Variants in NDUFA9 observed in about 807,000 individuals in gnomAD.
NDUFA9 encodes the protein NADH:ubiquinone oxidoreductase subunit A9, also known as NADH dehydrogenase [ubiquinone] 1 alpha subcomplex subunit 9, mitochondrial.
Under a neutral mutation model 45.9 loss-of-function variants are expected in NDUFA9, and 23 were observed. The ratio of observed to expected loss-of-function variants is 0.50; its 90% CI spans 0.36 to 0.71. NDUFA9 has a LOEUF of 0.71. Among genes scored for constraint, NDUFA9 ranks in the 30% least tolerant of loss-of-function variants. The probability of loss-of-function intolerance (pLI) is 0.00; values close to 1 mark genes in which losing one functional copy is unlikely to be tolerated. For synonymous variants in NDUFA9, 176 were observed against 170.5 expected, an observed-to-expected ratio of 1.03 and a Z score of -0.25; for missense variants, 466 against 488.2, an observed-to-expected ratio of 0.95 and a Z score of 0.43.
At chr12:4,682,125 TAAGGAAAA>T in intron 8 of NDUFA9, 72 bp from the exon 9 acceptor site, 2 of 1,085,588 alleles carry the variant, frequency 1.8e-6, no homozygotes. Flanking sequence ...TCCTTTTTTA[TAAGGAAAA>T]TGTTATTTTG....
intron 5 of NDUFA9, 67 bp from the exon 6 acceptor site, chr12:4,662,466 T>C (rs181781262): frequency 3.4e-6 from 4 of 1,188,896 alleles, no homozygotes. Flanking sequence ...GTCTTAATAG[T>C]GGAAAGAATG....
At position 4,662,618 on chromosome 12, in the gene NDUFA9, T is replaced by G; in HGVS notation, c.638T>G (p.Phe213Cys). The change falls in exon 6 of 11, where the codon TTC becomes TGC. Residue 213 changes from phenylalanine (F) to cysteine (C), a missense_variant. Physicochemically the swap from Phe to Cys is radical, Grantham distance 205. Coordinates refer to ENST00000266544, the MANE Select transcript of NDUFA9 (RefSeq NM_005002.5). ...GACATCTTTGGAAGAGAGGATAGAT[T>G]CCTTAATTCTTTTGCAAGTACGTAT... ...PSDIFGREDRFLNSFASMHRF... is the reference protein window; with the variant it reads ...PSDIFGREDRCLNSFASMHRF... 1 of 1,613,528 alleles carries G rather than the reference T, an allele frequency of 6.2e-7. No individual in the cohort carries two copies. Among genetic ancestry groups the G allele is most frequent in the Non-Finnish European group, 8.5e-7 (1 of 1,179,480 alleles).
At chr12:4,676,557 G>T (rs1945921243) in intron 8 of NDUFA9, among the ~76,000 whole-genome samples, 1 of 152,088 alleles carries the variant, frequency 6.6e-6, no homozygotes, top group Admixed American at 6.5e-5. Flanking sequence ...GCTACAAAGA[G>T]AATAAAATAT....
At chr12:4,664,273 A>G (rs1007361847) in intron 6 of NDUFA9, among the ~76,000 whole-genome samples, 22 of 152,220 alleles carry the variant, frequency 1.4e-4, no homozygotes, top group African/African-American at 4.8e-4. Context: ...CGACTCACCA[A>G]CTAACAAGCT....
At chr12:4,685,461 G>A (rs745398292) in intron 10 of NDUFA9, 136 bp downstream of exon 10, 188 of 750,046 alleles carry the variant, frequency 2.5e-4, no homozygotes, top group Non-Finnish European at 3.7e-4. Context: ...CTCTACTAGC[G>A]CTGAAGCTCA....
chr12:4,673,513 G>A (rs1407544267), intron 8 of NDUFA9, among the ~76,000 whole-genome samples: 5 of 152,174 alleles, frequency 3.3e-5, no homozygotes, highest in Non-Finnish European at 4.4e-5. Context: ...AACACAGCAC[G>A]AGAACTTTGT....
At chr12:4,683,958 G>A (rs78400306) in intron 9 of NDUFA9, among the ~76,000 whole-genome samples, 92 of 152,300 alleles carry the variant, frequency 6.0e-4, no homozygotes, top group African/African-American at 2.2e-3. Flanking sequence ...CATTGTGACC[G>A]TGGCTTCAGT....
intron 2 of NDUFA9, 145 bp downstream of exon 2, chr12:4,654,607 A>G (rs1945778652): frequency 4.0e-6 from 4 of 1,000,766 alleles, no homozygotes; most frequent in Non-Finnish European, 1.4e-6. Context: ...TTGTTGTGAC[A>G]TGAAGAGCAC....
intron 2 of NDUFA9, 91 bp downstream of exon 2, chr12:4,654,553 C>T: frequency 7.0e-7 from 1 of 1,424,928 alleles, no homozygotes; most frequent in South Asian, 1.3e-5. Context: ...TTCATTTTAA[C>T]AGTATTATGA....
intron 1 of NDUFA9, 30 bp downstream of exon 1, chr12:4,649,205 G>C: frequency 3.8e-6 from 6 of 1,592,690 alleles, no homozygotes; most frequent in Non-Finnish European, 5.1e-6. Flanking sequence ...GCGGCCCCTG[G>C]TCGGGATTCC....
chr12:4,676,124 G>A (rs10083152), intron 8 of NDUFA9, among the ~76,000 whole-genome samples: 90,482 of 151,998 alleles, frequency 0.6, 27,666 homozygotes, highest in Non-Finnish European at 0.67. Flanking sequence ...TAAACTAGGT[G>A]TTGATGGAAT....
chr12:4,654,437 G>C lies in NDUFA9; in HGVS notation c.195G>C (p.Leu65=). The change falls in exon 2 of 11, where the codon CTG becomes CTC. Residue 65 remains leucine, a synonymous_variant. Coordinates refer to ENST00000266544, the MANE Select transcript of NDUFA9 (RefSeq NM_005002.5). Reference sequence around the variant, plus strand: ...CTGTGTTTGGAGCAACAGGATTCCTGGGGCGATATGTTGTCAACCACCTTG... The same window carrying C: ...CTGTGTTTGGAGCAACAGGATTCCTCGGGCGATATGTTGTCAACCACCTTG... ...VATVFGATGF[L]GRYVVNHLGR... is the part of the protein sequence containing the mutation. 6.2e-7 allele frequency: 1 copy of C among 1,614,068 alleles called. No individual in the cohort carries two copies. The highest frequency in any genetic ancestry group is 2.2e-5 in the East Asian group (1 of 44,874).
intron 4 of NDUFA9, among the ~76,000 whole-genome samples, chr12:4,658,804 G>A (rs538805308): frequency 9.2e-5 from 14 of 152,000 alleles, no homozygotes; most frequent in Admixed American, 2.6e-4. Flanking sequence ...TGTGCAGGCT[G>A]GTCTTGAACT....
intron 9 of NDUFA9, among the ~76,000 whole-genome samples, chr12:4,683,469 CA>C: frequency 6.6e-6 from 1 of 152,240 alleles, no homozygotes; most frequent in South Asian, 2.1e-4. Flanking sequence ...AACAAACACT[CA>C]AAAATCTTAT....
At chr12:4,667,810 T>C (rs1003722967) in intron 6 of NDUFA9, among the ~76,000 whole-genome samples, 26 of 151,096 alleles carry the variant, frequency 1.7e-4, no homozygotes, top group African/African-American at 5.6e-4. Flanking sequence ...GTGCCCGGCC[T>C]AATTTCTACT....
intron 8 of NDUFA9, among the ~76,000 whole-genome samples, chr12:4,679,508 A>C (rs913242436): frequency 6.6e-6 from 1 of 152,222 alleles, no homozygotes; most frequent in Non-Finnish European, 1.5e-5. Context: ...AAAATAAATG[A>C]CCGAAAAGGA....
chr12:4,682,201 A>G lies in NDUFA9; in HGVS notation c.801-4A>G, dbSNP rs756827651. ...TGAAAGAACTGTGTATTGTCTTTTT[A>G]TAGTCCCAGTCGGTACCTCCTTTTC... On this transcript the variant is annotated splice_region_variant and splice_polypyrimidine_tract_variant and intron_variant, in intron 8 of 10. Transcript: ENST00000266544. 6.2e-7 allele frequency: 1 copy of G among 1,600,394 alleles called. No individual in the cohort carries two copies. The highest frequency in any genetic ancestry group is 8.5e-7 in the Non-Finnish European group (1 of 1,170,392).
intron 8 of NDUFA9, among the ~76,000 whole-genome samples, chr12:4,673,448 G>A (rs867006611): frequency 2.0e-5 from 3 of 152,324 alleles, no homozygotes; most frequent in African/African-American, 7.2e-5. Flanking sequence ...TAGATGAATT[G>A]CTAACTAGAA....
At chr12:4,655,546 G>A (rs1945784861) in intron 3 of NDUFA9, among the ~76,000 whole-genome samples, 1 of 152,136 alleles carries the variant, frequency 6.6e-6, no homozygotes, top group African/African-American at 2.4e-5. Flanking sequence ...TAAATAAAAT[G>A]TATTATTAAA....
Sources: allele counts gnomAD v4.1 joint callset (sites outside exome capture counted in the v4.1 genomes callset), GRCh38; gene constraint gnomAD v4.1.1; transcripts MANE v1.5; gene names NCBI Gene and HGNC (gene_info 2026-07-23, HGNC 2026-07-21).